The following KIAA1191 variants were observed in gnomAD, a reference collection of about 807,000 sequenced individuals.
The protein encoded by KIAA1191 is putative monooxygenase p33MONOX.
KIAA1191 carries 22 observed loss-of-function variants against 31.1 expected under a neutral mutation model. The ratio of observed to expected loss-of-function variants is 0.71; its 90% CI spans 0.51 to 1.01. The LOEUF (loss-of-function observed/expected upper bound fraction) is 1.01. KIAA1191 is among the 50% of genes least tolerant of loss of function. KIAA1191 has a pLI of 0.00. For synonymous variants in KIAA1191, 130 were observed against 143.9 expected, an observed-to-expected ratio of 0.90 and a Z score of 0.69; for missense variants, 319 against 388.0, an observed-to-expected ratio of 0.82 and a Z score of 1.49.
In KIAA1191 at chr5:176,355,546, A is replaced by G. The variant is rs778570148; in HGVS notation, c.207+25T>C. ...GAAGGACAAAGGGGTTGCGTATGCC[A>G]GAAATGGCCAGCAGGGTCAGATACC... On this transcript the variant is annotated intron_variant, in intron 4 of 8. Coordinates refer to ENST00000298569, the MANE Select transcript of KIAA1191 (RefSeq NM_020444.5). The surrounding 1 kb of genome is among the most constrained non-coding windows in gnomAD (Gnocchi z 4.2). The G allele has an allele frequency of 1.9e-6, 3 of 1,597,758 alleles. No individual in the cohort carries two copies. Among genetic ancestry groups the G allele is most frequent in the East Asian group, 2.2e-5 (1 of 44,538 alleles).
intron 3 of KIAA1191, among the ~76,000 whole-genome samples, chr5:176,357,917 T>C (rs10063877): frequency 0.53 from 80,791 of 151,982 alleles, 21,668 homozygotes; most frequent in Non-Finnish European, 0.58. Context: ...ACCAAATGCA[T>C]TCTGGGCAGT....
In KIAA1191 at chr5:176,359,497, T is replaced by C; in HGVS notation, c.12A>G (p.Arg4=). The change falls in exon 3 of 9, where the codon AGA becomes AGG. Residue 4 remains arginine, a synonymous_variant. Transcript: ENST00000298569. ...TAAGTTTACCAGGCACTTCTGGTTG[T>C]CTTGAAGCCATTGAAAGACTGGGAT... is the stretch of plus-strand genomic sequence containing the variant. MAS[R]QPEVPALEAS... 6.2e-7 allele frequency: 1 copy of C among 1,613,760 alleles called. No homozygotes were observed. The highest frequency in any genetic ancestry group is 1.1e-5 in the South Asian group (1 of 91,076).
rs763082086 is a variant in KIAA1191 at position 176,352,787 on chromosome 5, G to T, written c.208-39C>A. On this transcript the variant is annotated intron_variant, in intron 4 of 8. Transcript: ENST00000298569. ...GTACAGTACAGAAGCACTTAGGCAG[G>T]GCAGGGGAGTCACACACCTAAACTT... 15 of 1,583,842 alleles carry T rather than the reference G, an allele frequency of 9.5e-6. No homozygotes were observed. The Admixed American group carries it at 2.6e-4, about 28-fold the overall frequency.
chr5:176,360,582 C>G (rs1032463101), intron 1 of KIAA1191, among the ~76,000 whole-genome samples: 1 of 151,992 alleles, frequency 6.6e-6, no homozygotes, highest in African/African-American at 2.4e-5. Context: ...GGGCAGATCA[C>G]TTGAGGTCAG....
chr5:176,347,970 T>C lies in KIAA1191; in HGVS notation c.660A>G (p.Ser220=), dbSNP rs142542376. ...TCGGTCCAAAGAGGCTCCACTTATCTGACAAGTTTCTGTCCTTATCCCCAC... is the reference window on the plus strand; with the variant it reads ...TCGGTCCAAAGAGGCTCCACTTATCCGACAAGTTTCTGTCCTTATCCCCAC... ...SGSGDKDRNL[S]DKWSLFGPRS... The change falls in exon 8 of 9, where the codon TCA becomes TCG. Residue 220 remains serine, a synonymous_variant. Transcript: ENST00000298569. 2.6e-4 allele frequency: 416 copies of C among 1,614,190 alleles called. No homozygotes were observed. In the African/African-American group the frequency reaches 4.8e-3, roughly 19 times the overall value.
rs1042414952 is a variant in KIAA1191 at position 176,355,074 on chromosome 5, T to A, written c.207+497A>T. On this transcript the variant is annotated intron_variant, in intron 4 of 8. Transcript: ENST00000298569. This position sits in a 1 kb window ranked among gnomAD's most constrained non-coding sequence, Gnocchi z 4.2. ...AAATACGCTGCTAAGTGCAAGAATT[T>A]TAGGTAACTTGCACAGTTCAAGCAC... Among the ~76,000 whole-genome samples, 2 of 151,972 alleles carry A rather than the reference T, an allele frequency of 1.3e-5. No individual in the cohort carries two copies. The highest frequency in any genetic ancestry group is 2.9e-5 in the Non-Finnish European group (2 of 67,984).
At chr5:176,354,385 G>C (rs577484298) in intron 4 of KIAA1191, 1 of 152,224 alleles carries the variant, frequency 6.6e-6, no homozygotes, top group African/African-American at 2.4e-5. Context: ...AGAAACTGTA[G>C]CTACAGGTTA....
In KIAA1191 at chr5:176,355,734, G is replaced by A. The variant is rs144051049; in HGVS notation, c.44C>T (p.Ala15Val). Reference sequence around the variant, plus strand: ...GGGCAGGGACATCTTGCCTAGAGGCGCACTAGCCTCAAGAGCTAAGAACAG... The same window carrying A: ...GGGCAGGGACATCTTGCCTAGAGGCACACTAGCCTCAAGAGCTAAGAACAG... ...QPEVPALEAS[A>V]PLGKMSLPIG... Residue 15 changes from alanine (A) to valine (V), a missense_variant, in exon 4 of 9, where the codon GCG (alanine) becomes GTG (valine). Ala to Val is a moderately conservative substitution (Grantham distance 64). Transcript: ENST00000298569. This position sits in a 1 kb window ranked among gnomAD's most constrained non-coding sequence, Gnocchi z 4.2. The A allele has an allele frequency of 4.1e-4, 665 of 1,613,942 alleles. 5 individuals carry two copies. The African/African-American group carries it at 7.6e-3, about 19-fold the overall frequency.
chr5:176,346,410 C>T lies in KIAA1191; in HGVS notation c.*1190G>A, dbSNP rs954222393. ...CCCGCACAGGCGTTCCAGGCCCTGA[C>T]CTGAACAAGGAAATCAAAGTAAGTT... is the stretch of plus-strand genomic sequence containing the variant. On this transcript the variant is annotated 3_prime_UTR_variant, in exon 9 of 9. Coordinates refer to ENST00000298569, the MANE Select transcript of KIAA1191 (RefSeq NM_020444.5). 16 of 152,234 alleles carry T rather than the reference C, an allele frequency of 1.1e-4. No homozygotes were observed. Among genetic ancestry groups the T allele is most frequent in the Non-Finnish European group, 1.9e-4 (13 of 68,042 alleles). 9.4% of individuals were successfully genotyped at this position (152,234 alleles called of 1,614,324 possible). A position where few individuals can be genotyped will look rare whatever the true frequency, so the allele number is the denominator to read the frequency against.
chr5:176,356,965 A>G (rs1767557102), intron 3 of KIAA1191, among the ~76,000 whole-genome samples: 1 of 152,190 alleles, frequency 6.6e-6, no homozygotes, highest in Admixed American at 6.6e-5. Context: ...GGGAGTGAGG[A>G]TACGACTGCT....
chr5:176,359,069 G>A (rs1767752590), intron 3 of KIAA1191, among the ~76,000 whole-genome samples: 1 of 123,076 alleles, frequency 8.1e-6, no homozygotes, highest in Non-Finnish European at 1.6e-5. Flanking sequence ...GGGCGACAGA[G>A]CAAGACTCTG....
chr5:176,348,383 T>A, intron 6 of KIAA1191, 27 bp from the exon 7 acceptor site: 1 of 1,566,214 alleles, frequency 6.4e-7, no homozygotes, highest in Non-Finnish European at 8.8e-7. Flanking sequence ...GAAGAGAGAC[T>A]TTTTAAAAAT....
chr5:176,352,448 A>G (rs1373825736), intron 5 of KIAA1191, among the ~76,000 whole-genome samples, 174 bp downstream of exon 5: 5 of 152,236 alleles, frequency 3.3e-5, no homozygotes, highest in African/African-American at 9.6e-5. Context: ...CATTTGGCAA[A>G]TCTTCCACTT....
intron 3 of KIAA1191, among the ~76,000 whole-genome samples, chr5:176,356,614 G>A (rs942453219): frequency 1.3e-5 from 2 of 152,178 alleles, no homozygotes; most frequent in African/African-American, 4.8e-5. Context: ...TGGAACTGAC[G>A]CCCAGCATGT....
chr5:176,352,630 A>G lies in KIAA1191; in HGVS notation c.326T>C (p.Leu109Pro). 1 of 1,613,630 alleles carries G rather than the reference A, an allele frequency of 6.2e-7. No individual in the cohort carries two copies. The highest frequency in any genetic ancestry group is 8.5e-7 in the Non-Finnish European group (1 of 1,179,700). The change falls in exon 5 of 9, where the codon CTG becomes CCG. Residue 109 changes from leucine (L) to proline (P), a missense_variant. Coordinates refer to ENST00000298569, the MANE Select transcript of KIAA1191 (RefSeq NM_020444.5). ...AKATHVIMNS[L>P]ITKQTQESIQ... Reference sequence around the variant, plus strand: ...GGGTGAAGAGTGCTTACTTGTGATCAGAGAATTCATGATGACATGGGTAGC... The same window carrying G: ...GGGTGAAGAGTGCTTACTTGTGATCGGAGAATTCATGATGACATGGGTAGC...
At chr5:176,356,630 T>C (rs1030551414) in intron 3 of KIAA1191, among the ~76,000 whole-genome samples, 1 of 152,200 alleles carries the variant, frequency 6.6e-6, no homozygotes, top group Non-Finnish European at 1.5e-5. Flanking sequence ...CATGTCGGGT[T>C]GTGATGCAGC....
chr5:176,359,065 C>T (rs1767751757), intron 3 of KIAA1191, among the ~76,000 whole-genome samples: 1 of 116,094 alleles, frequency 8.6e-6, no homozygotes, highest in South Asian at 2.8e-4. Context: ...GCCTGGGCGA[C>T]AGAGCAAGAC....
intron 5 of KIAA1191, among the ~76,000 whole-genome samples, chr5:176,352,079 T>G (rs1420929630): frequency 6.6e-6 from 1 of 150,976 alleles, no homozygotes; most frequent in Non-Finnish European, 1.5e-5. Context: ...TTCATTAGGA[T>G]GACCAATCAT....
rs1261248649 is a variant in KIAA1191 at position 176,352,178 on chromosome 5, A to AC, written c.334+443_334+444insG. ...TTAAAAAAAAAAAAACAAAAAAAAAAACAAAAACTGGGGTAAGTGGGAAAT... is the reference window on the plus strand; with the variant it reads ...TTAAAAAAAAAAAAACAAAAAAAAAACACAAAAACTGGGGTAAGTGGGAAAT... On this transcript the variant is annotated intron_variant, in intron 5 of 8. Transcript: ENST00000298569. 7.7e-3 allele frequency among the ~76,000 whole-genome samples: 1,145 copies of AC among 148,974 alleles called. 13 individuals are homozygous for AC. Among genetic ancestry groups the AC allele is most frequent in the Middle Eastern group, 0.014 (4 of 286 alleles).
Sources: gnomAD v4.1 joint callset for allele counts (sites outside exome capture counted in the v4.1 genomes callset) on GRCh38, gnomAD v4.1.1 for gene constraint, Gnocchi (gnomAD v3.1) non-coding constraint, MANE v1.5 for transcripts, NCBI Gene and HGNC (gene_info 2026-07-23, HGNC 2026-07-21) for gene names.